RGPD8: variants seen among roughly 807,000 people sequenced by gnomAD.
RGPD8 encodes RANBP2 like and GRIP domain containing 8, also known as RANBP2-like and GRIP domain-containing protein 8.
Under a neutral mutation model 89.1 loss-of-function variants are expected in RGPD8, and 15 were observed. That is an observed-to-expected ratio of 0.17 (90% CI 0.11 to 0.26). The LOEUF (loss-of-function observed/expected upper bound fraction) is 0.26. Among genes scored for constraint, RGPD8 ranks in the 10% least tolerant of loss-of-function variants. The pLI is 1.00. For synonymous variants in RGPD8, 62 were observed against 420.9 expected (o/e 0.15, Z 10.44); for missense variants, 178 against 1,179.6 (o/e 0.15, Z 12.44).
chr2:112,415,723 A>G (rs1421742546), intron 6 of RGPD8, among the ~76,000 whole-genome samples: 1 of 146,776 alleles, frequency 6.8e-6, no homozygotes, highest in African/African-American at 2.6e-5. Flanking sequence ...AAAAAAAAAA[A>G]AAAAAAAAAA....
intron 1 of RGPD8, among the ~76,000 whole-genome samples, chr2:112,429,346 G>C (rs527508294): frequency 7.1e-6 from 1 of 141,168 alleles, no homozygotes; most frequent in Admixed American, 7.5e-5. Context: ...AACCCCGGAG[G>C]CAGAGTTTGC....
chr2:112,432,703 G>A (rs1395946178), intron 1 of RGPD8: 2 of 985,188 alleles, frequency 2.0e-6, no homozygotes, highest in Non-Finnish European at 2.4e-6. Flanking sequence ...GAACTAGGCC[G>A]CGCGGGTACT....
intron 1 of RGPD8, among the ~76,000 whole-genome samples, chr2:112,427,771 C>G (rs1291778408): frequency 6.1e-4 from 92 of 150,834 alleles, no homozygotes; most frequent in African/African-American, 2.2e-3. Flanking sequence ...CCCATCTGAT[C>G]AGCTCCAAAT....
intron 1 of RGPD8, among the ~76,000 whole-genome samples, chr2:112,427,625 T>C (rs1019158289): frequency 6.6e-5 from 10 of 152,294 alleles, no homozygotes; most frequent in Admixed American, 4.6e-4. Context: ...TGTGGCCTAC[T>C]TTTTCATTAT....
chr2:112,371,871 A>G (rs1286685681), intron 22 of RGPD8, among the ~76,000 whole-genome samples: 1 of 150,768 alleles, frequency 6.6e-6, no homozygotes, highest in Non-Finnish European at 1.5e-5. Context: ...AAAATTTTAC[A>G]TGGGGAAACT....
chr2:112,427,664 T>A (rs4067436), intron 1 of RGPD8, among the ~76,000 whole-genome samples: 1 of 152,224 alleles, frequency 6.6e-6, no homozygotes, highest in South Asian at 2.1e-4. Flanking sequence ...CTTTTTTTTT[T>A]AATTCAAACG....
At chr2:112,408,741 G>A (rs1468896893) in intron 7 of RGPD8, among the ~76,000 whole-genome samples, 5 of 150,698 alleles carry the variant, frequency 3.3e-5, no homozygotes, top group Admixed American at 2.0e-4. Context: ...GCACGATCTC[G>A]GCTCACTGCA....
At chr2:112,402,753 TAGCA>T (rs1678917325) in intron 9 of RGPD8, among the ~76,000 whole-genome samples, 1 of 96,872 alleles carries the variant, frequency 1.0e-5, no homozygotes, top group Non-Finnish European at 2.0e-5. Context: ...TAACAGAAAG[TAGCA>T]AGCAAATTAT....
At chr2:112,371,936 T>A (rs2104757196) in intron 22 of RGPD8, among the ~76,000 whole-genome samples, 1 of 149,906 alleles carries the variant, frequency 6.7e-6, no homozygotes, top group African/African-American at 2.5e-5. Context: ...TATCTGCGTG[T>A]TATTTACAAT....
rs577186423 is a variant in RGPD8, at chr2:112,429,850, C to G, written c.72+3532G>C. On this transcript the variant is annotated intron_variant, in intron 1 of 22. Transcript: ENST00000302558. The stretch of plus-strand genomic sequence containing the variant: ...GGAGACAGAGTCTCGCTCTGTCACA[C>G]AGGCTGGAGTGCAGTGGCGCAATCT... Among the ~76,000 whole-genome samples, 41 of 152,230 alleles carry G rather than the reference C, an allele frequency of 2.7e-4. 1 individual carries two copies. The highest frequency in any genetic ancestry group is 7.0e-4 in the African/African-American group (29 of 41,524).
chr2:112,378,003 GT>G (rs1678169061), intron 22 of RGPD8, 49 bp downstream of exon 22: 3 of 138,038 alleles, frequency 2.2e-5, no homozygotes, highest in Non-Finnish European at 4.1e-5. Flanking sequence ...CCACCAGGCT[GT>G]TTAGTTTAAG....
At chr2:112,426,109 T>C (rs1179543375) in intron 1 of RGPD8, among the ~76,000 whole-genome samples, 1 of 152,030 alleles carries the variant, frequency 6.6e-6, no homozygotes, top group Non-Finnish European at 1.5e-5. Flanking sequence ...CCCCAGTATA[T>C]GATCTTTTTT....
At chr2:112,379,298 A>C (rs1445761136) in intron 21 of RGPD8, among the ~76,000 whole-genome samples, 59 of 152,208 alleles carry the variant, frequency 3.9e-4, no homozygotes, top group African/African-American at 1.3e-3. Flanking sequence ...GTATAAATTT[A>C]TGAAAATATA....
intron 9 of RGPD8, among the ~76,000 whole-genome samples, chr2:112,402,476 C>A (rs368976208): frequency 4.2e-5 from 5 of 117,906 alleles, no homozygotes; most frequent in Non-Finnish European, 5.3e-5. Context: ...GGTGACAGAG[C>A]GAGACTCTGT....
chr2:112,416,133 C>CCACATA (rs1679404239), intron 6 of RGPD8, among the ~76,000 whole-genome samples: 1 of 149,672 alleles, frequency 6.7e-6, no homozygotes, highest in Non-Finnish European at 1.5e-5. Context: ...AAAAAGGAAC[C>CCACATA]CACATACAAA....
intron 6 of RGPD8, among the ~76,000 whole-genome samples, chr2:112,416,258 T>C (rs1164595611): frequency 1.3e-5 from 2 of 152,258 alleles, no homozygotes; most frequent in Non-Finnish European, 2.9e-5. Flanking sequence ...CTTAAAGTTA[T>C]GTTAGTTCTT....
intron 6 of RGPD8, among the ~76,000 whole-genome samples, chr2:112,416,263 G>GT (rs1389876006): frequency 2.0e-5 from 3 of 152,232 alleles, no homozygotes; most frequent in Non-Finnish European, 4.4e-5. Context: ...AGTTATGTTA[G>GT]TTCTTTTAGA....
rs1490160676 is a variant in RGPD8, at chr2:112,380,948, T to C, written c.4937A>G (p.His1646Arg). 8 of 1,074,210 alleles carry C rather than the reference T, an allele frequency of 7.4e-6. No individual in the cohort carries two copies. The highest frequency in any genetic ancestry group is 1.1e-5 in the Non-Finnish European group (8 of 733,818). 66.5% of individuals were successfully genotyped at this position (1,074,210 alleles called of 1,614,324 possible). A position where few individuals can be genotyped will look rare whatever the true frequency, so the allele number is the denominator to read the frequency against. The change falls in exon 21 of 23, where the codon CAT becomes CGT. Residue 1646 changes from histidine (H) to arginine (R), a missense_variant. Physicochemically the swap from His to Arg is conservative, Grantham distance 29. Transcript: ENST00000302558. Reference sequence around the variant, plus strand: ...CAATTCTTCTTTGGTAAATTCAGCATGCCATAATGGAGGCTCTGCAAGATG... The same window carrying C: ...CAATTCTTCTTTGGTAAATTCAGCACGCCATAATGGAGGCTCTGCAAGATG... Reference protein sequence around the residue: ...KTPEKEPPLWHAEFTKEELVQ... With the variant: ...KTPEKEPPLWRAEFTKEELVQ...
At chr2:112,430,518 C>T (rs968641024) in intron 1 of RGPD8, among the ~76,000 whole-genome samples, 1 of 152,164 alleles carries the variant, frequency 6.6e-6, no homozygotes, top group Non-Finnish European at 1.5e-5. Context: ...GTTGCTACCA[C>T]TCCACTTTAT....
Sources: allele counts gnomAD v4.1 joint callset (sites outside exome capture counted in the v4.1 genomes callset), GRCh38; gene constraint gnomAD v4.1.1; transcripts MANE v1.5; gene names NCBI Gene and HGNC (gene_info 2026-07-23, HGNC 2026-07-21).